SMARCA2: variants seen among roughly 807,000 people sequenced by gnomAD.
SMARCA2 encodes SWI/SNF related BAF chromatin remodeling complex subunit ATPase 2, also known as SWI/SNF-related matrix-associated actin-dependent regulator of chromatin subfamily A member 2.
A neutral mutation model predicts 199.8 loss-of-function variants in SMARCA2; 61 were observed. The ratio of observed to expected loss-of-function variants is 0.31; its 90% CI spans 0.25 to 0.38. The LOEUF is 0.38. SMARCA2 is among the 10% of genes least tolerant of loss of function. The pLI is 1.00. For missense variants in SMARCA2, 1,344 were observed against 2,012.2 expected, an observed-to-expected ratio of 0.67 and a Z score of 6.35; for synonymous variants, 935 against 732.0, an observed-to-expected ratio of 1.28 and a Z score of -4.48.
At chr9:2,160,459 T>A in intron 27 of SMARCA2, 1 of 546,956 alleles carries the variant, frequency 1.8e-6, no homozygotes. Context: ...CAGGTTGTTT[T>A]GTGTTCTGCA....
At chr9:2,143,541 TGG>T (rs1824566081) in intron 27 of SMARCA2, among the ~76,000 whole-genome samples, 1 of 152,196 alleles carries the variant, frequency 6.6e-6, no homozygotes, top group African/African-American at 2.4e-5. Context: ...TGTGACCCTG[TGG>T]GAGAGGAGAC....
rs1309612133 is a variant in SMARCA2 at position 2,193,604 on chromosome 9, G to A, written c.*865G>A. 6 of 152,600 alleles carry A rather than the reference G, an allele frequency of 3.9e-5. No homozygotes were observed. The highest frequency in any genetic ancestry group is 8.8e-5 in the Non-Finnish European group (6 of 68,028). 9.5% of individuals were successfully genotyped at this position (152,600 alleles called of 1,614,324 possible). On this transcript the variant is annotated 3_prime_UTR_variant, in exon 34 of 34. Coordinates refer to ENST00000349721, the MANE Select transcript of SMARCA2 (RefSeq NM_003070.5). ...GTGGTGTTGGTGCTTTCCTAATAAA[G>A]AAATAATTTAGCTTGACAAATGCAG... is the stretch of plus-strand genomic sequence containing the variant.
Position 2,062,619 on chromosome 9 carries a change from G to A in SMARCA2, c.1692+1633G>A, listed in dbSNP as rs146991378. ...TTCTGCATGATCTGTAAGTTGGCACGCCCCTTTCAAACCCTTGCCTTCAAT... is the reference window on the plus strand; with the variant it reads ...TTCTGCATGATCTGTAAGTTGGCACACCCCTTTCAAACCCTTGCCTTCAAT... On this transcript the variant is annotated intron_variant, in intron 9 of 33. Transcript: ENST00000349721. Among the ~76,000 whole-genome samples, 17 of 152,190 alleles carry A rather than the reference G, an allele frequency of 1.1e-4. No homozygotes were observed. The East Asian group carries it at 1.5e-3, about 14-fold the overall frequency.
chr9:2,167,114 T>C (rs1297474054), intron 28 of SMARCA2, among the ~76,000 whole-genome samples: 2 of 152,256 alleles, frequency 1.3e-5, no homozygotes, highest in African/African-American at 4.8e-5. Flanking sequence ...TCTAGTGTTC[T>C]GATTCCATTT....
At chr9:2,125,998 T>C (rs1408625702) in intron 27 of SMARCA2, among the ~76,000 whole-genome samples, 1 of 152,248 alleles carries the variant, frequency 6.6e-6, no homozygotes, top group African/African-American at 2.4e-5. Context: ...ATTCAGTTTC[T>C]ATCCCTGATG....
At chr9:2,027,437 C>G (rs747593929) in intron 1 of SMARCA2, among the ~76,000 whole-genome samples, 5 of 151,964 alleles carry the variant, frequency 3.3e-5, no homozygotes, top group Non-Finnish European at 7.4e-5. Flanking sequence ...GAGGCCCTGT[C>G]TCTAAAAATA....
intron 22 of SMARCA2, among the ~76,000 whole-genome samples, chr9:2,103,060 A>C: frequency 1.4e-5 from 2 of 145,050 alleles, no homozygotes. Flanking sequence ...CCTCCTCTCC[A>C]CCCCAGTGCC....
chr9:2,189,122 T>C (rs1423101578), intron 32 of SMARCA2, among the ~76,000 whole-genome samples: 2 of 152,218 alleles, frequency 1.3e-5, no homozygotes, highest in East Asian at 3.8e-4. Flanking sequence ...AGTCTAAAAT[T>C]CCTTTTGCCA....
chr9:2,153,717 A>G (rs1380238874), intron 27 of SMARCA2, among the ~76,000 whole-genome samples: 1 of 152,194 alleles, frequency 6.6e-6, no homozygotes, highest in Non-Finnish European at 1.5e-5. Context: ...AATTTTTTAA[A>G]GTTGTGGAAC....
At chr9:2,152,681 A>G (rs1825137954) in intron 27 of SMARCA2, among the ~76,000 whole-genome samples, 1 of 151,890 alleles carries the variant, frequency 6.6e-6, no homozygotes, top group African/African-American at 2.4e-5. Context: ...GCAAAACCCC[A>G]TCTCTACTAA....
chr9:2,043,017 A>G (rs1819679330), intron 4 of SMARCA2: 1 of 152,194 alleles, frequency 6.6e-6, no homozygotes, highest in Admixed American at 6.5e-5. Flanking sequence ...GCTTTTAGAA[A>G]AGATAAAATA....
intron 7 of SMARCA2, among the ~76,000 whole-genome samples, chr9:2,057,366 C>T (rs1357290726): frequency 6.6e-6 from 1 of 152,200 alleles, no homozygotes; most frequent in African/African-American, 2.4e-5. Context: ...CTTATCACCT[C>T]CCGAAGACCC....
At position 2,054,807 on chromosome 9, in the gene SMARCA2, A is replaced by G. The variant is rs772608113; in HGVS notation, c.1173+84A>G. 4.3e-6 allele frequency: 6 copies of G among 1,386,684 alleles called. No individual in the cohort carries two copies. The African/African-American group carries it at 4.3e-5, about 10-fold the overall frequency. 85.9% of individuals were successfully genotyped at this position (1,386,684 alleles called of 1,614,324 possible). The stretch of plus-strand genomic sequence containing the variant: ...GTGTTATCTGTGTTGCCTTTAGTCT[A>G]TTCAATATTGTTACAAAGATATAAA... On this transcript the variant is annotated intron_variant, in intron 6 of 33. Coordinates refer to ENST00000349721, the MANE Select transcript of SMARCA2 (RefSeq NM_003070.5).
At position 2,038,727 on chromosome 9, in the gene SMARCA2, C is replaced by T. The variant is rs3793478; in HGVS notation, c.356-739C>T. On this transcript the variant is annotated intron_variant, in intron 3 of 33. Coordinates refer to ENST00000349721, the MANE Select transcript of SMARCA2 (RefSeq NM_003070.5). ...CCTTTTCATACCCCTATTAGTGTCC[C>T]CTTACCTTCCCAGTAAATTACTAGT... 1.2e-3 allele frequency among the ~76,000 whole-genome samples: 187 copies of T among 152,196 alleles called. 1 individual carries two copies. The East Asian group carries it at 0.015, about 12-fold the overall frequency.
intron 28 of SMARCA2, among the ~76,000 whole-genome samples, chr9:2,162,602 T>C (rs1255559038): frequency 2.6e-5 from 4 of 152,242 alleles, no homozygotes; most frequent in African/African-American, 7.2e-5. Context: ...TTTTGGTTAG[T>C]TGACTTGGTT....
intron 21 of SMARCA2, 58 bp from the exon 22 acceptor site, chr9:2,101,512 T>C (rs1309096543): frequency 1.1e-6 from 1 of 896,754 alleles, no homozygotes; most frequent in Non-Finnish European, 1.7e-6. Context: ...AAAAGAGTAA[T>C]CATTAAGTTA....
At chr9:2,191,430 T>A in intron 33 of SMARCA2, 22 bp downstream of exon 33, 1 of 1,613,168 alleles carries the variant, frequency 6.2e-7, no homozygotes, top group Non-Finnish European at 8.5e-7. Flanking sequence ...CGACTGGGAC[T>A]GAAGGCGGAG....
In SMARCA2 at chr9:2,058,274, C is replaced by T. The variant is rs756557078; in HGVS notation, c.1348-17C>T. 1.2e-6 allele frequency: 2 copies of T among 1,610,944 alleles called. No individual in the cohort carries two copies. The highest frequency in any genetic ancestry group is 1.1e-5 in the South Asian group (1 of 90,976). The stretch of plus-strand genomic sequence containing the variant: ...TGGATTTTAAGTATCCTTTTCTTCC[C>T]TTTTTGGATCTTCTAGGAATACCTG... On this transcript the variant is annotated splice_polypyrimidine_tract_variant and intron_variant, in intron 7 of 33. Transcript: ENST00000349721.
intron 29 of SMARCA2, among the ~76,000 whole-genome samples, chr9:2,176,187 T>TTTTTTTTTTGTTTTTTTTTG: frequency 7.4e-6 from 1 of 135,152 alleles, no homozygotes; most frequent in African/African-American, 3.4e-5. Context: ...GGCCTGTTTT[T>TTTTTTTTTTGTTTTTTTTTG]TTTTTTTTTT....
Sources: allele counts gnomAD v4.1 joint callset (sites outside exome capture counted in the v4.1 genomes callset), GRCh38; gene constraint gnomAD v4.1.1; transcripts MANE v1.5; gene names NCBI Gene and HGNC (gene_info 2026-07-23, HGNC 2026-07-21).